ANO3: variants seen among roughly 807,000 people sequenced by gnomAD.
The protein encoded by ANO3 is anoctamin 3.
A neutral mutation model predicts 144.8 loss-of-function variants in ANO3; 99 were observed. That is an observed-to-expected ratio of 0.68 (90% CI 0.58 to 0.81). The LOEUF is 0.81. Ranked by LOEUF, ANO3 falls within the 30% of genes least tolerant of loss-of-function variation. The pLI is 0.00. For missense variants in ANO3, 905 were observed against 1,202.2 expected (o/e 0.75, Z 3.66); for synonymous variants, 414 against 392.6 (o/e 1.05, Z -0.64).
intron 1 of ANO3, among the ~76,000 whole-genome samples, chr11:26,300,855 C>CTTT (rs376885670): frequency 4.0e-4 from 52 of 129,056 alleles, no homozygotes; most frequent in African/African-American, 1.4e-3. Flanking sequence ...TCTTTTTTTT[C>CTTT]TTTTTTTTTT....
chr11:26,630,510 A>G (rs1565153775), intron 18 of ANO3, among the ~76,000 whole-genome samples: 2 of 152,206 alleles, frequency 1.3e-5, no homozygotes, highest in African/African-American at 4.8e-5. Context: ...GGATATCCAA[A>G]CTATCCAAAC....
intron 1 of ANO3, among the ~76,000 whole-genome samples, chr11:26,248,232 G>A (rs1313472245): frequency 7.2e-5 from 11 of 152,074 alleles, no homozygotes; most frequent in Admixed American, 7.2e-4. Flanking sequence ...CAACTACTCG[G>A]GAGGCTGAGG....
At chr11:26,267,184 GCACACACACACACACA>G in intron 1 of ANO3, among the ~76,000 whole-genome samples, 2 of 147,644 alleles carry the variant, frequency 1.4e-5, no homozygotes, top group Middle Eastern at 3.6e-3. Context: ...ACGCACGCAC[GCACACACACACACACA>G]CACCCCCAAA....
chr11:26,634,939 C>A, intron 19 of ANO3, 74 bp from the exon 20 acceptor site: 1 of 1,245,864 alleles, frequency 8.0e-7, no homozygotes, highest in South Asian at 1.2e-5. Flanking sequence ...CACATGCACT[C>A]GTTGTGATGC....
intron 1 of ANO3, among the ~76,000 whole-genome samples, chr11:26,433,028 C>T (rs1858173787): frequency 6.6e-6 from 1 of 151,798 alleles, no homozygotes; most frequent in Admixed American, 6.6e-5. Flanking sequence ...TCTTTCTATC[C>T]CTGAGCATGG....
At chr11:26,480,697 A>G (rs940326650) in intron 4 of ANO3, among the ~76,000 whole-genome samples, 62 of 151,988 alleles carry the variant, frequency 4.1e-4, no homozygotes, top group Non-Finnish European at 1.2e-4. Context: ...AGACCCAGCT[A>G]CTTGGGAGGC....
At chr11:26,264,753 G>C (rs1437076979) in intron 1 of ANO3, among the ~76,000 whole-genome samples, 1 of 152,008 alleles carries the variant, frequency 6.6e-6, no homozygotes, top group Admixed American at 6.6e-5. Flanking sequence ...GTTTTCACAT[G>C]GCTATTCCTG....
intron 6 of ANO3, 57 bp from the exon 7 acceptor site, chr11:26,525,578 C>G: frequency 1.4e-6 from 2 of 1,381,710 alleles, no homozygotes; most frequent in Non-Finnish European, 2.0e-6. Context: ...TTGTCACTCA[C>G]TCGTATCACT....
chr11:26,600,733 T>C (rs545501518), intron 17 of ANO3, among the ~76,000 whole-genome samples: 25 of 151,216 alleles, frequency 1.7e-4, no homozygotes, highest in Admixed American at 7.9e-4. Context: ...GTTTTTTGCC[T>C]AACTATACCA....
At chr11:26,509,252 G>A (rs976034575) in intron 5 of ANO3, among the ~76,000 whole-genome samples, 3 of 151,428 alleles carry the variant, frequency 2.0e-5, no homozygotes, top group East Asian at 1.9e-4. Flanking sequence ...CAGCTGTTCC[G>A]CTACTGAGAA....
chr11:26,526,682 A>C (rs1297532605), intron 7 of ANO3, among the ~76,000 whole-genome samples: 1 of 152,182 alleles, frequency 6.6e-6, no homozygotes, highest in Non-Finnish European at 1.5e-5. Context: ...GAGTGACAAG[A>C]AAAGTAAATT....
intron 14 of ANO3, among the ~76,000 whole-genome samples, chr11:26,591,880 T>A (rs1851462774): frequency 6.6e-6 from 1 of 152,086 alleles, no homozygotes; most frequent in African/African-American, 2.4e-5. Context: ...GAGCGTGATG[T>A]ATCCAAGACT....
rs1850620038 is a variant in ANO3 at position 26,567,105 on chromosome 11, A to G, written c.1447+7326A>G. 3 of 1,466,024 alleles carry G rather than the reference A, an allele frequency of 2.0e-6. No homozygotes were observed. The South Asian group carries it at 4.5e-5, about 22-fold the overall frequency. 90.8% of individuals were successfully genotyped at this position (1,466,024 alleles called of 1,614,324 possible). A position where few individuals can be genotyped will look rare whatever the true frequency, so the allele number is the denominator to read the frequency against. On this transcript the variant is annotated intron_variant, in intron 14 of 26. Coordinates refer to ENST00000256737, the MANE Select transcript of ANO3 (RefSeq NM_031418.4). ...TTGTATTATGCCCATTTTGCAGATGAAGAAACTGAAGCTCACAATGGCTAG... is the reference window on the plus strand; with the variant it reads ...TTGTATTATGCCCATTTTGCAGATGGAGAAACTGAAGCTCACAATGGCTAG...
At chr11:26,204,604 C>G (rs1851761823) in intron 1 of ANO3, among the ~76,000 whole-genome samples, 1 of 152,094 alleles carries the variant, frequency 6.6e-6, no homozygotes, top group South Asian at 2.1e-4. Flanking sequence ...AGAATCCCAT[C>G]CTCCTCCTTG....
intron 1 of ANO3, among the ~76,000 whole-genome samples, chr11:26,253,393 G>A (rs1299386019): frequency 6.6e-6 from 1 of 151,926 alleles, no homozygotes; most frequent in African/African-American, 2.4e-5. Flanking sequence ...CACACACTGG[G>A]GCCTTTTGGA....
At position 26,410,741 on chromosome 11, in the gene ANO3, AAAG is replaced by A. The variant is rs756210906; in HGVS notation, c.47-31173_47-31171del. On this transcript the variant is annotated intron_variant, in intron 1 of 26. Transcript: ENST00000256737. ...AAGAAGGCAGATTTCTGCTCTACGA[AAAG>A]AAGGTTAACAGCTGGAACTGTCTGA... Among the ~76,000 whole-genome samples, 115 of 152,078 alleles carry A rather than the reference AAAG, an allele frequency of 7.6e-4. 1 individual carries two copies. Among genetic ancestry groups the A allele is most frequent in the Non-Finnish European group, 1.0e-3 (71 of 67,950 alleles).
intron 17 of ANO3, among the ~76,000 whole-genome samples, chr11:26,600,409 C>T (rs1236356928): frequency 1.6e-5 from 1 of 63,394 alleles, no homozygotes; most frequent in Non-Finnish European, 3.2e-5. Flanking sequence ...CACCTCCCTT[C>T]CCCTGCCCTC....
At chr11:26,455,440 A>G (rs1298296073) in intron 3 of ANO3, among the ~76,000 whole-genome samples, 1 of 152,028 alleles carries the variant, frequency 6.6e-6, no homozygotes, top group Non-Finnish European at 1.5e-5. Context: ...ACAGACAAAC[A>G]GAGCCAAATC....
intron 17 of ANO3, among the ~76,000 whole-genome samples, chr11:26,610,013 G>A (rs1215356828): frequency 6.6e-6 from 1 of 152,250 alleles, no homozygotes; most frequent in Non-Finnish European, 1.5e-5. Context: ...CTGGGTTCAA[G>A]CGATTCTCCT....
Sources: gnomAD v4.1 joint callset for allele counts (sites outside exome capture counted in the v4.1 genomes callset) on GRCh38, gnomAD v4.1.1 for gene constraint, MANE v1.5 for transcripts, NCBI Gene and HGNC (gene_info 2026-07-23, HGNC 2026-07-21) for gene names.